HTR4: variants seen among roughly 807,000 people sequenced by gnomAD.
The protein encoded by HTR4 is 5-hydroxytryptamine (serotonin) receptor 4, G protein-coupled.
HTR4 carries 16 observed loss-of-function variants against 36.8 expected under a neutral mutation model. The ratio of observed to expected loss-of-function variants is 0.43; its 90% CI spans 0.29 to 0.66. HTR4 has a LOEUF of 0.66. Among genes scored for constraint, HTR4 ranks in the 30% least tolerant of loss-of-function variants. The pLI is 0.13. For synonymous variants in HTR4, 189 were observed against 185.1 expected, an observed-to-expected ratio of 1.02 and a Z score of -0.17; for missense variants, 438 against 490.9, an observed-to-expected ratio of 0.89 and a Z score of 1.02.
intron 2 of HTR4, among the ~76,000 whole-genome samples, chr5:148,558,095 C>A (rs533671473): frequency 6.6e-6 from 1 of 151,512 alleles, no homozygotes; most frequent in African/African-American, 2.4e-5. Flanking sequence ...ATTTTTTTCA[C>A]CCTTCCTGCC....
chr5:148,556,236 C>G (rs1269030108), intron 2 of HTR4, among the ~76,000 whole-genome samples: 1 of 152,164 alleles, frequency 6.6e-6, no homozygotes, highest in Non-Finnish European at 1.5e-5. Flanking sequence ...GTGGGTCAGG[C>G]TGGTCTTAAA....
chr5:148,477,800 C>T (rs767013415), downstream of HTR4, among the ~76,000 whole-genome samples: 2 of 152,136 alleles, frequency 1.3e-5, no homozygotes, highest in African/African-American at 2.4e-5. Context: ...CTGGCTATGT[C>T]AAGCACATTC....
intron 4 of HTR4, among the ~76,000 whole-genome samples, chr5:148,524,713 T>C (rs1328388565): frequency 6.6e-6 from 1 of 152,230 alleles, no homozygotes; most frequent in East Asian, 1.9e-4. Flanking sequence ...CTGTCTATTC[T>C]TTAAGGTTTT....
intron 5 of HTR4, among the ~76,000 whole-genome samples, chr5:148,452,868 C>T (rs1281291178): frequency 2.6e-5 from 4 of 152,172 alleles, no homozygotes; most frequent in African/African-American, 9.7e-5. Context: ...CAGGAAATGT[C>T]CCAGTGAGAT....
At chr5:148,472,942 G>A (rs1755606162), downstream of HTR4, among the ~76,000 whole-genome samples, 1 of 152,072 alleles carries the variant, frequency 6.6e-6, no homozygotes, top group African/African-American at 2.4e-5. Context: ...TGTATTTATT[G>A]TTGTGTGTGT....
chr5:148,460,821 A>G (rs1434036324), intron 5 of HTR4, among the ~76,000 whole-genome samples: 1 of 152,122 alleles, frequency 6.6e-6, no homozygotes, highest in Non-Finnish European at 1.5e-5. Flanking sequence ...TAATGTATTA[A>G]TTATGCATGC....
At chr5:148,590,369 G>T (rs1285990547) in intron 2 of HTR4, among the ~76,000 whole-genome samples, 4 of 125,018 alleles carry the variant, frequency 3.2e-5, no homozygotes, top group African/African-American at 1.3e-4. Flanking sequence ...CGTGATCTTG[G>T]CTCACCACAA....
intron 2 of HTR4, among the ~76,000 whole-genome samples, chr5:148,555,140 C>A (rs1000851362): frequency 1.3e-5 from 2 of 152,074 alleles, no homozygotes; most frequent in African/African-American, 4.8e-5. Context: ...ATATTGGGGG[C>A]AGGCTGGCCT....
intron 2 of HTR4, among the ~76,000 whole-genome samples, chr5:148,564,686 T>C (rs897164568): frequency 2.0e-5 from 3 of 152,176 alleles, no homozygotes; most frequent in Non-Finnish European, 4.4e-5. Context: ...TAACATCACA[T>C]ACAAACCACT....
chr5:148,526,342 A>C (rs1758276325), intron 4 of HTR4, among the ~76,000 whole-genome samples: 1 of 152,204 alleles, frequency 6.6e-6, no homozygotes, highest in Admixed American at 6.5e-5. Context: ...CATTCAATAT[A>C]CTTTCAGATC....
chr5:148,501,246 A>G (rs1296251618), intron 6 of HTR4, among the ~76,000 whole-genome samples: 1 of 152,322 alleles, frequency 6.6e-6, no homozygotes, highest in African/African-American at 2.4e-5. Context: ...AAAAAACAAG[A>G]TGTAGAAAAG....
rs73266449 is a variant in HTR4 at position 148,465,900 on chromosome 5, G to A, written c.1077-14628C>T. On this transcript the variant is annotated intron_variant, in intron 5 of 5. Coordinates refer to the HTR4 transcript ENST00000521530. ...ACTGGTCTATTGCAGAAGAGCAGGA[G>A]GAAGCTGGAGACAGGGGAACAGCCA... The A allele has an allele frequency of 6.1e-3, 9,782 of 1,613,448 alleles. 531 individuals carry two copies. In the African/African-American group the frequency reaches 0.11, roughly 19 times the overall value.
chr5:148,498,063 C>T (rs1321843629), intron 6 of HTR4, among the ~76,000 whole-genome samples: 1 of 152,160 alleles, frequency 6.6e-6, no homozygotes, highest in African/African-American at 2.4e-5. Context: ...CTAGTTAGTA[C>T]AATTTTAGCA....
At chr5:148,597,306 A>C (rs1439379519) in intron 2 of HTR4, among the ~76,000 whole-genome samples, 3 of 152,204 alleles carry the variant, frequency 2.0e-5, no homozygotes, top group African/African-American at 7.2e-5. Context: ...TCAGTTCTTT[A>C]CACAAAAAGA....
chr5:148,452,826 G>A (rs1452350835), intron 5 of HTR4, among the ~76,000 whole-genome samples: 1 of 152,184 alleles, frequency 6.6e-6, no homozygotes, highest in Non-Finnish European at 1.5e-5. Flanking sequence ...GAGATAGAAA[G>A]GGCCAGATCA....
chr5:148,644,422 GTTTTTTTTTTT>G lies in HTR4; in HGVS notation c.-47-7372_-47-7362del, dbSNP rs1175588280. On this transcript the variant is annotated intron_variant, in intron 1 of 6. Coordinates refer to ENST00000377888, the MANE Select transcript of HTR4 (RefSeq NM_000870.7). ...AGATGAATAGGTCTCAAGCTCACAA[GTTTTTTTTTTT>G]TTTTTTTTTTTTTTTTTTTTTTGCT... 5.9e-4 allele frequency among the ~76,000 whole-genome samples: 24 copies of G among 40,618 alleles called. No individual in the cohort carries two copies. In the South Asian group the frequency reaches 9.2e-3, roughly 16 times the overall value. 26.6% of individuals were successfully genotyped at this position (40,618 alleles called of 152,430 possible). A position where few individuals can be genotyped will look rare whatever the true frequency, so the allele number is the denominator to read the frequency against.
At chr5:148,532,926 C>G (rs939900152) in intron 4 of HTR4, among the ~76,000 whole-genome samples, 2 of 152,222 alleles carry the variant, frequency 1.3e-5, no homozygotes, top group East Asian at 3.9e-4. Flanking sequence ...GATGCTGTTG[C>G]TAGTGGATTG....
Position 148,513,757 on chromosome 5 carries a change from T to C in HTR4, c.508-3733A>G, listed in dbSNP as rs893288014. On this transcript the variant is annotated intron_variant, in intron 5 of 6. Transcript: ENST00000377888. ...GTCTTTGAATTAATTAACATGGTAA[T>C]TCCTTCCCTTTGTCTTTTTAAGTAT... is the stretch of plus-strand genomic sequence containing the variant. 4.6e-5 allele frequency among the ~76,000 whole-genome samples: 7 copies of C among 152,284 alleles called. No homozygotes were observed. The South Asian group carries it at 1.0e-3, about 23-fold the overall frequency.
At chr5:148,574,033 A>T (rs1341583046) in intron 2 of HTR4, among the ~76,000 whole-genome samples, 1 of 152,058 alleles carries the variant, frequency 6.6e-6, no homozygotes, top group Non-Finnish European at 1.5e-5. Context: ...TGCTCATTTA[A>T]AACGGAGAGA....
Sources: allele counts gnomAD v4.1 joint callset (sites outside exome capture counted in the v4.1 genomes callset), GRCh38; gene constraint gnomAD v4.1.1; transcripts MANE v1.5; gene names NCBI Gene and HGNC (gene_info 2026-07-23, HGNC 2026-07-21).